NRG1: variants seen among roughly 807,000 people sequenced by gnomAD.
NRG1 encodes neuregulin 1.
In NRG1, 18 loss-of-function variants were observed where a neutral mutation model predicts 63.8. That is an observed-to-expected ratio of 0.28 (90% confidence interval 0.19 to 0.42). NRG1 has a LOEUF of 0.42. Among genes scored for constraint, NRG1 ranks in the 10% least tolerant of loss-of-function variants. The pLI, the probability that NRG1 is intolerant of heterozygous loss-of-function variation, is 1.00. For synonymous variants in NRG1, 302 were observed against 301.3 expected (o/e 1.00, Z -0.02); for missense variants, 762 against 814.7 (o/e 0.94, Z 0.79).
At chr8:32,573,134 A>G (rs1838934092) in intron 1 of NRG1, among the ~76,000 whole-genome samples, 1 of 152,166 alleles carries the variant, frequency 6.6e-6, no homozygotes, top group African/African-American at 2.4e-5. Flanking sequence ...CTGTATATCC[A>G]GTTTGTTCAT....
chr8:32,627,860 GA>G (rs1849578280), intron 5 of NRG1, among the ~76,000 whole-genome samples: 1 of 152,268 alleles, frequency 6.6e-6, no homozygotes, highest in South Asian at 2.1e-4. Flanking sequence ...TAACTGACAA[GA>G]AGCTTCTGTG....
At chr8:32,229,776 T>C (rs1206836073) in intron 1 of NRG1, among the ~76,000 whole-genome samples, 1 of 152,168 alleles carries the variant, frequency 6.6e-6, no homozygotes, top group African/African-American at 2.4e-5. Context: ...GCCAAGACAT[T>C]GGCCATATAA....
chr8:31,899,052 T>C (rs570487288), intron 1 of NRG1, among the ~76,000 whole-genome samples: 2 of 152,218 alleles, frequency 1.3e-5, no homozygotes, highest in South Asian at 4.1e-4. Context: ...TCTCTTATCC[T>C]AGCAGAAGAT....
At chr8:31,709,510 G>T (rs1369040392) in intron 1 of NRG1, among the ~76,000 whole-genome samples, 2 of 151,810 alleles carry the variant, frequency 1.3e-5, no homozygotes, top group Non-Finnish European at 2.9e-5. Flanking sequence ...CTTGTTCTGG[G>T]GCTATTTTAA....
intron 6 of NRG1, among the ~76,000 whole-genome samples, chr8:32,741,415 A>G (rs1826280098): frequency 6.6e-6 from 1 of 152,152 alleles, no homozygotes. Flanking sequence ...TGCTTCTAGT[A>G]TCTTTGAACA....
chr8:32,082,719 T>C (rs954781997), intron 1 of NRG1, among the ~76,000 whole-genome samples: 2 of 152,160 alleles, frequency 1.3e-5, no homozygotes, highest in South Asian at 2.1e-4. Context: ...TAGTATCTGC[T>C]CTAAGATCTG....
chr8:32,118,083 T>G (rs746707680), intron 1 of NRG1, among the ~76,000 whole-genome samples: 2 of 152,118 alleles, frequency 1.3e-5, no homozygotes, highest in Non-Finnish European at 2.9e-5. Context: ...CTTGAGAAAT[T>G]GACTCTAGAA....
chr8:31,654,355 G>A (rs1197963509), intron 1 of NRG1, among the ~76,000 whole-genome samples: 1 of 152,212 alleles, frequency 6.6e-6, no homozygotes, highest in Admixed American at 6.5e-5. Flanking sequence ...TTGAAGCCGT[G>A]TAACAGGAGT....
At chr8:32,100,005 G>T (rs1462778774) in intron 1 of NRG1, among the ~76,000 whole-genome samples, 1 of 152,030 alleles carries the variant, frequency 6.6e-6, no homozygotes, top group Non-Finnish European at 1.5e-5. Flanking sequence ...AAGGATAGCT[G>T]GGGGTGACGA....
chr8:32,233,563 A>ATATATATATATATAT (rs34593729), intron 1 of NRG1, among the ~76,000 whole-genome samples: 13 of 67,256 alleles, frequency 1.9e-4, no homozygotes, highest in South Asian at 1.2e-3. Context: ...ATATATATAT[A>ATATATATATATATAT]TTTTTTTTTT....
chr8:32,245,453 A>G (rs7012840), intron 1 of NRG1, among the ~76,000 whole-genome samples: 105,620 of 151,978 alleles, frequency 0.69, 37,266 homozygotes, highest in African/African-American at 0.79. Context: ...TTTTTCCACA[A>G]AGGAGGGGAA....
chr8:32,027,672 CTGTT>C (rs1156571903), intron 1 of NRG1, among the ~76,000 whole-genome samples: 2 of 152,004 alleles, frequency 1.3e-5, no homozygotes, highest in Non-Finnish European at 2.9e-5. Context: ...CATGGATTAT[CTGTT>C]TGTCTGTAAT....
intron 1 of NRG1, among the ~76,000 whole-genome samples, chr8:31,733,637 G>A (rs1814345555): frequency 6.6e-6 from 1 of 152,104 alleles, no homozygotes; most frequent in Admixed American, 6.5e-5. Flanking sequence ...GAAAAGTCCA[G>A]GTTACACCTG....
chr8:32,448,400 G>T (rs911104970), intron 1 of NRG1, among the ~76,000 whole-genome samples: 2 of 152,084 alleles, frequency 1.3e-5, no homozygotes, highest in African/African-American at 4.8e-5. Flanking sequence ...AATATCGAGG[G>T]CTTAAATTAG....
intron 1 of NRG1, among the ~76,000 whole-genome samples, chr8:31,738,378 T>C (rs1814908418): frequency 6.6e-6 from 1 of 152,156 alleles, no homozygotes; most frequent in Non-Finnish European, 1.5e-5. Flanking sequence ...CTATCACTAC[T>C]TAATGCATGT....
intron 1 of NRG1, among the ~76,000 whole-genome samples, chr8:32,473,773 T>C (rs1360400337): frequency 6.6e-6 from 1 of 152,158 alleles, no homozygotes; most frequent in Non-Finnish European, 1.5e-5. Context: ...AGCCTCAAAC[T>C]CCTGGGCTCC....
At chr8:31,924,259 G>A (rs890487382) in intron 1 of NRG1, among the ~76,000 whole-genome samples, 12 of 152,066 alleles carry the variant, frequency 7.9e-5, no homozygotes, top group African/African-American at 2.4e-4. Context: ...GGAGGCTGAG[G>A]CAGGTCGCTT....
intron 7 of NRG1, among the ~76,000 whole-genome samples, chr8:32,773,804 T>C (rs144976368): frequency 4.6e-5 from 7 of 152,138 alleles, no homozygotes; most frequent in Non-Finnish European, 1.0e-4. Flanking sequence ...CCACCTGACA[T>C]AGGAGGCCCT....
intron 1 of NRG1, among the ~76,000 whole-genome samples, chr8:32,499,494 G>A (rs920973218): frequency 6.6e-5 from 10 of 151,908 alleles, no homozygotes; most frequent in South Asian, 2.1e-4. Context: ...ATAAACCCGG[G>A]CAACACAGTG....
Sources: allele counts gnomAD v4.1 joint callset (sites outside exome capture counted in the v4.1 genomes callset), GRCh38; gene constraint gnomAD v4.1.1; transcripts MANE v1.5; gene names NCBI Gene and HGNC (gene_info 2026-07-23, HGNC 2026-07-21).